Variants in CCNY observed in about 807,000 individuals in gnomAD.
The protein encoded by CCNY is cyclin-Y.
A neutral mutation model predicts 42.8 loss-of-function variants in CCNY; 19 were observed. The ratio of observed to expected loss-of-function variants is 0.44; its 90% confidence interval spans 0.31 to 0.65. CCNY has a LOEUF of 0.65. Ranked by LOEUF, CCNY falls within the 30% of genes least tolerant of loss-of-function variation. The pLI is 0.07. For synonymous variants in CCNY, 165 were observed against 162.7 expected (o/e 1.01, Z -0.11); for missense variants, 370 against 437.3 (o/e 0.85, Z 1.37).
intron 3 of CCNY, among the ~76,000 whole-genome samples, chr10:35,260,693 T>C (rs2095718914): frequency 6.6e-6 from 1 of 152,214 alleles, no homozygotes; most frequent in African/African-American, 2.4e-5. Context: ...CACCAGGACA[T>C]AATTTCTCTT....
intron 1 of CCNY, among the ~76,000 whole-genome samples, chr10:35,430,528 G>T (rs1388841800): frequency 6.6e-6 from 1 of 151,918 alleles, no homozygotes; most frequent in East Asian, 1.9e-4. Flanking sequence ...AAATTAGGAG[G>T]TACCATTTGA....
In CCNY at chr10:35,547,269, G is replaced by A. The variant is rs565636220; in HGVS notation, c.580-5750G>A. On this transcript the variant is annotated intron_variant, in intron 7 of 9. Transcript: ENST00000374704. ...GTTCAAACTTAATATAATAAATGCCGTTAAAAATGAAAATCTCCAAAAATT... is the reference window on the plus strand; with the variant it reads ...GTTCAAACTTAATATAATAAATGCCATTAAAAATGAAAATCTCCAAAAATT... 3.3e-5 allele frequency among the ~76,000 whole-genome samples: 5 copies of A among 152,170 alleles called. No individual in the cohort carries two copies. The South Asian group carries it at 6.2e-4, about 19-fold the overall frequency.
At chr10:35,469,431 A>C (rs998350715) in intron 1 of CCNY, among the ~76,000 whole-genome samples, 1 of 152,250 alleles carries the variant, frequency 6.6e-6, no homozygotes, top group Non-Finnish European at 1.5e-5. Context: ...AATTAGAAAT[A>C]GGACAGCAGA....
At position 35,516,642 on chromosome 10, in the gene CCNY, T is replaced by A; in HGVS notation, c.365+19T>A. 1 of 1,104,968 alleles carries A rather than the reference T, an allele frequency of 9.1e-7. No individual in the cohort carries two copies. The highest frequency in any genetic ancestry group is 1.3e-6 in the Non-Finnish European group (1 of 778,302). 68.4% of individuals were successfully genotyped at this position (1,104,968 alleles called of 1,614,324 possible). Reference sequence around the variant, plus strand: ...TTAAATGGTGGGTATATGGATTTATTTCCTTCCTTCCTTCCTTCCTTTTTT... The same window carrying A: ...TTAAATGGTGGGTATATGGATTTATATCCTTCCTTCCTTCCTTCCTTTTTT... On this transcript the variant is annotated intron_variant, in intron 4 of 9. Coordinates refer to ENST00000374704, the MANE Select transcript of CCNY (RefSeq NM_145012.6).
chr10:35,499,474 C>T (rs1158397155), intron 2 of CCNY, among the ~76,000 whole-genome samples: 1 of 152,214 alleles, frequency 6.6e-6, no homozygotes, highest in East Asian at 1.9e-4. Flanking sequence ...TGGGTGGGGA[C>T]ACAGCCAAAC....
At chr10:35,364,881 C>A (rs1836775749) in intron 1 of CCNY, among the ~76,000 whole-genome samples, 1 of 152,086 alleles carries the variant, frequency 6.6e-6, no homozygotes, top group Non-Finnish European at 1.5e-5. Flanking sequence ...AGAATTGAGC[C>A]CTTCTCTAAG....
chr10:35,291,162 C>T (rs113343231), intron 3 of CCNY, among the ~76,000 whole-genome samples: 32 of 152,002 alleles, frequency 2.1e-4, no homozygotes, highest in African/African-American at 7.2e-4. Context: ...CCCGCCACCA[C>T]GCCCAGCTAA....
chr10:35,492,663 G>A (rs1416760211), intron 2 of CCNY, among the ~76,000 whole-genome samples: 1 of 152,212 alleles, frequency 6.6e-6, no homozygotes, highest in Non-Finnish European at 1.5e-5. Context: ...TCTCTGCAGT[G>A]GCTAGCACAT....
At chr10:35,272,238 C>T (rs572820823) in intron 3 of CCNY, among the ~76,000 whole-genome samples, 10 of 151,706 alleles carry the variant, frequency 6.6e-5, no homozygotes, top group Admixed American at 2.0e-4. Flanking sequence ...CTGCCTGCCT[C>T]GGCCTCCCAA....
upstream of CCNY, among the ~76,000 whole-genome samples, chr10:35,331,642 C>T (rs1336149370): frequency 5.3e-5 from 8 of 152,328 alleles, no homozygotes; most frequent in Admixed American, 2.0e-4. Flanking sequence ...CTCAACACAA[C>T]GTCCCTGGCA....
Position 35,336,914 on chromosome 10 carries a change from C to CACG in CCNY, c.-140_-139insACG. ...CGCCGCTGCTGACCCGGCGGCCGGC[C>CACG]GCCGTTCCGCCCCCTCCCGTGGCGG... On this transcript the variant is annotated 5_prime_UTR_variant, in exon 1 of 10. Transcript: ENST00000374704. The CACG allele has an allele frequency of 1.0e-5, 1 of 96,702 alleles. No individual in the cohort carries two copies. The highest frequency in any genetic ancestry group is 1.2e-5 in the Non-Finnish European group (1 of 86,594). The allele number at this position is 96,702 out of a possible 1,614,324, so 6.0% of individuals were successfully genotyped here. A position where few individuals can be genotyped will look rare whatever the true frequency, so the allele number is the denominator to read the frequency against.
intron 1 of CCNY, among the ~76,000 whole-genome samples, chr10:35,424,080 T>C (rs1196688728): frequency 6.6e-6 from 1 of 151,974 alleles, no homozygotes; most frequent in African/African-American, 2.4e-5. Flanking sequence ...GTGTGGACTC[T>C]CGGAGCCTCG....
chr10:35,414,194 C>A (rs1837975010), intron 1 of CCNY, among the ~76,000 whole-genome samples: 1 of 152,152 alleles, frequency 6.6e-6, no homozygotes, highest in African/African-American at 2.4e-5. Context: ...TTGGCTGGGT[C>A]CTGTGCTTCC....
intron 8 of CCNY, among the ~76,000 whole-genome samples, chr10:35,564,536 A>G (rs1212647109): frequency 1.3e-5 from 2 of 152,034 alleles, no homozygotes; most frequent in African/African-American, 4.8e-5. Context: ...TCGGGACATC[A>G]CTCAGGACAG....
chr10:35,533,150 C>T (rs899003642), intron 7 of CCNY, among the ~76,000 whole-genome samples: 16 of 152,124 alleles, frequency 1.1e-4, no homozygotes, highest in African/African-American at 3.9e-4. Flanking sequence ...ATCACCTCTC[C>T]GTTTAAGGCC....
chr10:35,489,972 A>G (rs533213385), intron 2 of CCNY, among the ~76,000 whole-genome samples: 1 of 152,292 alleles, frequency 6.6e-6, no homozygotes, highest in African/African-American at 2.4e-5. Flanking sequence ...TCTAGGCCTA[A>G]TCTCAGAACA....
chr10:35,381,376 A>G (rs1272595416), intron 1 of CCNY, among the ~76,000 whole-genome samples: 3 of 152,064 alleles, frequency 2.0e-5, no homozygotes, highest in Admixed American at 6.6e-5. Flanking sequence ...CCGGGCCAAC[A>G]TGGTGAAACC....
chr10:35,527,683 A>G (rs1423983841), intron 5 of CCNY, among the ~76,000 whole-genome samples: 1 of 152,236 alleles, frequency 6.6e-6, no homozygotes, highest in Non-Finnish European at 1.5e-5. Flanking sequence ...ATTGCACCAA[A>G]AGTAAGTGAG....
chr10:35,251,060 G>C (rs535990828), intron 3 of CCNY: 1 of 152,266 alleles, frequency 6.6e-6, no homozygotes, highest in Admixed American at 6.5e-5. Context: ...TTAACTGGAT[G>C]CTTATAAGGA....
Sources: allele counts gnomAD v4.1 joint callset (sites outside exome capture counted in the v4.1 genomes callset), GRCh38; gene constraint gnomAD v4.1.1; transcripts MANE v1.5; gene names NCBI Gene and HGNC (gene_info 2026-07-23, HGNC 2026-07-21).